The following C2CD3 variants were observed in gnomAD, a reference collection of about 807,000 sequenced individuals.
The protein encoded by C2CD3 is C2 domain-containing protein 3.
A neutral mutation model predicts 234.0 loss-of-function variants in C2CD3; 148 were observed. The ratio of observed to expected loss-of-function variants is 0.63; its 90% confidence interval spans 0.55 to 0.72. The LOEUF (loss-of-function observed/expected upper bound fraction) is 0.72, where lower values mean the gene tolerates loss of function less well. C2CD3 is among the 30% of genes least tolerant of loss of function. The pLI is 0.00. For missense variants in C2CD3, 2,577 were observed against 2,811.5 expected, an observed-to-expected ratio of 0.92 and a Z score of 1.89; for synonymous variants, 1,000 against 1,035.4, an observed-to-expected ratio of 0.97 and a Z score of 0.66.
intron 25 of C2CD3, 135 bp from the exon 26 acceptor site, chr11:74,054,806 A>G: frequency 1.8e-6 from 1 of 563,916 alleles, no homozygotes; most frequent in Non-Finnish European, 3.1e-6. Flanking sequence ...ATCTTCTGGC[A>G]TATATTTTTA....
At chr11:74,060,960 C>G (rs560655688) in intron 24 of C2CD3, among the ~76,000 whole-genome samples, 1 of 152,040 alleles carries the variant, frequency 6.6e-6, no homozygotes, top group Non-Finnish European at 1.5e-5. Flanking sequence ...AACCATGGCA[C>G]GAGAACTATG....
intron 24 of C2CD3, among the ~76,000 whole-genome samples, chr11:74,057,805 T>TA (rs879515021): frequency 8.7e-5 from 13 of 148,976 alleles, no homozygotes; most frequent in South Asian, 2.1e-4. Flanking sequence ...ATCCCATGTA[T>TA]AAAAAAAAAA....
chr11:74,139,808 A>C lies in C2CD3; in HGVS notation c.504T>G (p.Pro168=), dbSNP rs376221534. 6 of 1,612,120 alleles carry C rather than the reference A, an allele frequency of 3.7e-6. No homozygotes were observed. Among genetic ancestry groups the C allele is most frequent in the Non-Finnish European group, 5.1e-6 (6 of 1,178,220 alleles). Residue 168 remains proline (P), a synonymous_variant, in exon 4 of 33, where the codon CCT becomes CCG. Coordinates refer to ENST00000334126, the MANE Select transcript of C2CD3 (RefSeq NM_001286577.2). ...GGTAGCTGTCGTAAGTTTCTGACAG[A>C]GGTTCCAGGGCAAGTGAGACCTAAG... is the stretch of plus-strand genomic sequence containing the variant. ...GELQVSLALE[P]LSETYDSYHP...
chr11:74,028,230 C>A, intron 32 of C2CD3, 57 bp downstream of exon 32: 1 of 1,273,882 alleles, frequency 7.9e-7, no homozygotes, highest in Non-Finnish European at 1.1e-6. Context: ...TCTGTGCACA[C>A]TTCTGTGGAA....
intron 16 of C2CD3, 62 bp downstream of exon 16, chr11:74,097,947 T>C: frequency 6.5e-7 from 1 of 1,531,366 alleles, no homozygotes. Flanking sequence ...GGGCAATAAA[T>C]TCACTAAAAT....
intron 7 of C2CD3, among the ~76,000 whole-genome samples, chr11:74,131,616 C>T (rs1957684533): frequency 1.3e-5 from 2 of 150,506 alleles, no homozygotes; most frequent in African/African-American, 4.9e-5. Context: ...GAGTCTTACT[C>T]CTTCTATCAT....
rs974542406 is a variant in C2CD3 at position 74,102,825 on chromosome 11, T to C, written c.2580+306A>G. 5.0e-4 allele frequency among the ~76,000 whole-genome samples: 76 copies of C among 152,026 alleles called. 1 individual carries two copies. The highest frequency in any genetic ancestry group is 1.8e-3 in the African/African-American group (75 of 41,378). On this transcript the variant is annotated intron_variant, in intron 14 of 32. Coordinates refer to ENST00000334126, the MANE Select transcript of C2CD3 (RefSeq NM_001286577.2). ...TAAAGAAGGAGAGATTGGAGAAAGA[T>C]GGGGAGGTTTAACTAATCAAAGTCT...
rs1174727251 is a variant in C2CD3 at position 74,103,311 on chromosome 11, C to A, written c.2400G>T (p.Glu800Asp). Residue 800 changes from glutamate (E) to aspartate (D), a missense_variant, in exon 14 of 33, where the codon GAG (glutamate) becomes GAT (aspartate). Glu to Asp is a conservative substitution (Grantham distance 45). Transcript: ENST00000334126. ...LVNQTNGTTK[E>D]SALLLHVLLM... ...ACAGCACATGCAACAGCAAAGCACT[C>A]TCTTTTGTTGTCCCATTTGTCTGAT... The A allele has an allele frequency of 6.2e-7, 1 of 1,614,060 alleles. No homozygotes were observed. The highest frequency in any genetic ancestry group is 2.2e-5 in the East Asian group (1 of 44,898).
chr11:74,123,174 G>A (rs747720621), intron 7 of C2CD3, 39 bp from the exon 8 acceptor site: 1 of 1,521,598 alleles, frequency 6.6e-7, no homozygotes, highest in Admixed American at 1.7e-5. Flanking sequence ...AATTTTAATA[G>A]AAGTTTCAGC....
intron 9 of C2CD3, among the ~76,000 whole-genome samples, chr11:74,116,836 A>ATATATACACGTGTATATGTG (rs1213225606): frequency 3.5e-4 from 51 of 143,830 alleles, no homozygotes; most frequent in East Asian, 1.1e-3. Flanking sequence ...ACGTGTGTGT[A>ATATATACACGTGTATATGTG]TATATACACG....
chr11:74,154,634 A>G (rs1026849592), intron 3 of C2CD3, among the ~76,000 whole-genome samples: 1 of 152,212 alleles, frequency 6.6e-6, no homozygotes, highest in Admixed American at 6.5e-5. Context: ...GAGCTAATAT[A>G]TTAGGCTTTG....
chr11:74,064,430 T>C (rs182129205), intron 24 of C2CD3, among the ~76,000 whole-genome samples: 122 of 152,124 alleles, frequency 8.0e-4, no homozygotes, highest in Non-Finnish European at 1.5e-3. Flanking sequence ...GAGGACACAA[T>C]CAAATGGAAG....
chr11:74,121,279 A>C (rs1590865993), intron 8 of C2CD3, among the ~76,000 whole-genome samples: 1 of 152,152 alleles, frequency 6.6e-6, no homozygotes, highest in East Asian at 1.9e-4. Context: ...TGTAAAAGAG[A>C]GATAATACTA....
intron 24 of C2CD3, among the ~76,000 whole-genome samples, chr11:74,068,067 T>C (rs1267047077): frequency 1.3e-5 from 2 of 152,220 alleles, no homozygotes; most frequent in African/African-American, 4.8e-5. Flanking sequence ...CACTGTATTC[T>C]GAACTTAAAA....
At chr11:74,127,767 A>T in intron 7 of C2CD3, among the ~76,000 whole-genome samples, 1 of 152,176 alleles carries the variant, frequency 6.6e-6, no homozygotes, top group East Asian at 1.9e-4. Context: ...ATCCTCATTA[A>T]TGCATAGACT....
intron 7 of C2CD3, among the ~76,000 whole-genome samples, chr11:74,131,336 A>AC (rs1460330484): frequency 6.6e-6 from 1 of 151,644 alleles, no homozygotes; most frequent in Non-Finnish European, 1.5e-5. Flanking sequence ...AAAAAAAAAA[A>AC]ACTATCTATC....
intron 24 of C2CD3, among the ~76,000 whole-genome samples, chr11:74,066,363 T>C (rs12789586): frequency 7.0e-6 from 1 of 142,338 alleles, no homozygotes. Context: ...ATGTAACAAA[T>C]CTGCACACAT....
At chr11:74,090,377 C>A (rs570556310) in intron 20 of C2CD3, among the ~76,000 whole-genome samples, 23 of 152,228 alleles carry the variant, frequency 1.5e-4, no homozygotes, top group African/African-American at 5.5e-4. Flanking sequence ...TGCACTCTAG[C>A]CTGGGCGACA....
At chr11:74,115,278 C>T (rs1956886919) in intron 9 of C2CD3, among the ~76,000 whole-genome samples, 1 of 151,844 alleles carries the variant, frequency 6.6e-6, no homozygotes, top group Non-Finnish European at 1.5e-5. Flanking sequence ...TATACACACA[C>T]ATACATTATA....
Sources: allele counts gnomAD v4.1 joint callset (sites outside exome capture counted in the v4.1 genomes callset), GRCh38; gene constraint gnomAD v4.1.1; transcripts MANE v1.5; gene names NCBI Gene and HGNC (gene_info 2026-07-23, HGNC 2026-07-21).